GRK2: variants seen among roughly 807,000 people sequenced by gnomAD.
The protein encoded by GRK2 is adrenergic beta receptor kinase 1.
In GRK2, 23 loss-of-function variants were observed where a neutral mutation model predicts 97.8. The ratio of observed to expected loss-of-function variants is 0.24; its 90% confidence interval spans 0.17 to 0.33. GRK2 has a LOEUF of 0.33. GRK2 is among the 10% of genes least tolerant of loss of function. GRK2 has a pLI of 1.00. For missense variants in GRK2, 633 were observed against 956.9 expected, an observed-to-expected ratio of 0.66 and a Z score of 4.47; for synonymous variants, 425 against 381.7, an observed-to-expected ratio of 1.11 and a Z score of -1.32.
At chr11:67,275,703 G>A (rs1860015433) in intron 1 of GRK2, among the ~76,000 whole-genome samples, 1 of 152,212 alleles carries the variant, frequency 6.6e-6, no homozygotes, top group Non-Finnish European at 1.5e-5. Context: ...CTCATCCCTG[G>A]ACATACTGTC....
At chr11:67,280,894 A>C in intron 7 of GRK2, 111 bp downstream of exon 7, 1 of 1,350,098 alleles carries the variant, frequency 7.4e-7, no homozygotes, top group African/African-American at 1.4e-5. Flanking sequence ...TCTGTCCTTT[A>C]GCCCCCAGGG....
At chr11:67,279,160 A>C in intron 2 of GRK2, 40 bp from the exon 3 acceptor site, 4 of 1,533,556 alleles carry the variant, frequency 2.6e-6, no homozygotes, top group Non-Finnish European at 3.6e-6. Flanking sequence ...AAGGCCTCTG[A>C]GAGAGGCGTG....
rs370934447 is a variant in GRK2 at position 67,279,894 on chromosome 11, T to C, written c.497T>C (p.Ile166Thr). 4.6e-5 allele frequency: 75 copies of C among 1,613,688 alleles called. 1 individual carries two copies. The Middle Eastern group carries it at 4.9e-4, about 11-fold the overall frequency. Reference protein sequence around the residue: ...NLRGDVFQKFIESDKFTRFCQ... With the variant: ...NLRGDVFQKFTESDKFTRFCQ... ...CGAGGGGACGTGTTCCAGAAATTCA[T>C]TGAGAGGTGAGAGCAGGGAAGTGTG... The change falls in exon 6 of 21, where the codon ATT becomes ACT. Residue 166 changes from isoleucine (I) to threonine (T), a missense_variant. Ile to Thr is a moderately conservative substitution (Grantham distance 89). This residue lies in a region of GRK2 where 192 missense variants were observed against 362.3 expected (regional missense o/e 0.53). Transcript: ENST00000308595.
chr11:67,279,303 G>A (rs1416388220), intron 3 of GRK2, 30 bp downstream of exon 3: 1 of 1,612,442 alleles, frequency 6.2e-7, no homozygotes, highest in South Asian at 1.1e-5. Flanking sequence ...GCCCTGCTCT[G>A]CCTGGAGAAA....
At chr11:67,280,975 T>C (rs879820535) in intron 7 of GRK2, 118 bp from the exon 8 acceptor site, 3 of 1,114,852 alleles carry the variant, frequency 2.7e-6, no homozygotes, top group Non-Finnish European at 4.0e-6. Context: ...GTGGCAAGGA[T>C]GGCCAGGACA....
At chr11:67,279,379 G>T (rs774270731) in intron 3 of GRK2, 39 bp from the exon 4 acceptor site, 4 of 1,611,436 alleles carry the variant, frequency 2.5e-6, no homozygotes, top group Non-Finnish European at 2.5e-6. Flanking sequence ...CCCATTCCCT[G>T]CTGGGCTCTA....
In GRK2 at chr11:67,283,290, TC is replaced by T. The variant is rs1374917232; in HGVS notation, c.1328+65del. 4 of 1,447,858 alleles carry T rather than the reference TC, an allele frequency of 2.8e-6. No homozygotes were observed. In the African/African-American group the frequency reaches 5.6e-5, roughly 20 times the overall value. 89.7% of individuals were successfully genotyped at this position (1,447,858 alleles called of 1,614,324 possible). On this transcript the variant is annotated intron_variant, in intron 15 of 20. Transcript: ENST00000308595. ...TGCCCCCATGAGGACAAGGGCTGTG[TC>T]CCGTCACCTGGAACCCCCTCCAAGG...
chr11:67,285,207 A>C lies in GRK2; in HGVS notation c.1905+19A>C, dbSNP rs35563026. 1 of 1,612,916 alleles carries C rather than the reference A, an allele frequency of 6.2e-7. No individual in the cohort carries two copies. Among genetic ancestry groups the C allele is most frequent in the East Asian group, 2.2e-5 (1 of 44,870 alleles). Reference sequence around the variant, plus strand: ...GTGCGATGTGAGTGGGGGCTGAGCCAGGGATGGGAGGGCCGAGGGGCCAGG... The same window carrying C: ...GTGCGATGTGAGTGGGGGCTGAGCCCGGGATGGGAGGGCCGAGGGGCCAGG... On this transcript the variant is annotated intron_variant, in intron 20 of 20. Transcript: ENST00000308595.
Position 67,281,958 on chromosome 11 carries a change from C to G in GRK2, c.957+6C>G. On this transcript the variant is annotated splice_donor_region_variant and intron_variant, in intron 11 of 20. Transcript: ENST00000308595. The surrounding 1 kb of genome is among the most constrained non-coding windows in gnomAD (Gnocchi z 5.7). ...TGGTCTACCGGGACCTGAAGGTGAGCGCCCCTGCTGTCCCCAGGCTGGACC... is the reference window on the plus strand; with the variant it reads ...TGGTCTACCGGGACCTGAAGGTGAGGGCCCCTGCTGTCCCCAGGCTGGACC... The G allele has an allele frequency of 5.0e-6, 8 of 1,613,180 alleles. No individual in the cohort carries two copies. The highest frequency in any genetic ancestry group is 6.8e-6 in the Non-Finnish European group (8 of 1,179,952).
At chr11:67,275,540 G>A (rs1381664512) in intron 1 of GRK2, among the ~76,000 whole-genome samples, 1 of 146,104 alleles carries the variant, frequency 6.8e-6, no homozygotes. Context: ...GGCGCCTCCA[G>A]TGGAGTCGGG....
At chr11:67,285,013 C>T (rs375653506) in intron 19 of GRK2, 30 bp downstream of exon 19, 459 of 1,611,966 alleles carry the variant, frequency 2.8e-4, no homozygotes, top group Admixed American at 4.2e-4. Flanking sequence ...GTCCGGGAGC[C>T]GGGCTTCCGG....
intron 1 of GRK2, among the ~76,000 whole-genome samples, chr11:67,274,277 C>G (rs1565063556): frequency 6.6e-6 from 1 of 151,870 alleles, no homozygotes; most frequent in Non-Finnish European, 1.5e-5. Context: ...TCCCAAAGTG[C>G]TGGGATTACA....
At position 67,274,495 on chromosome 11, in the gene GRK2, C is replaced by CTTT. The variant is rs57767154; in HGVS notation, c.114-2752_114-2750dup. 1.6e-3 allele frequency among the ~76,000 whole-genome samples: 36 copies of CTTT among 22,468 alleles called. 1 individual carries two copies. Among genetic ancestry groups the CTTT allele is most frequent in the South Asian group, 3.6e-3 (1 of 280 alleles). The allele number at this position is 22,468 out of a possible 152,430, so 14.7% of individuals were successfully genotyped here. On this transcript the variant is annotated intron_variant, in intron 1 of 20. Transcript: ENST00000308595. ...TCGCTACCTTCCGCTTGACCAGCAC[C>CTTT]TTTTTTTTTTTTTTTTTTTTTTTTT...
chr11:67,268,127 G>A (rs1197599719), intron 1 of GRK2, among the ~76,000 whole-genome samples: 1 of 152,204 alleles, frequency 6.6e-6, no homozygotes, highest in Non-Finnish European at 1.5e-5. Flanking sequence ...CTGGGCCTCG[G>A]TCTTCTCATC....
intron 1 of GRK2, among the ~76,000 whole-genome samples, chr11:67,267,792 C>T (rs1161580176): frequency 3.9e-5 from 6 of 152,134 alleles, no homozygotes; most frequent in Non-Finnish European, 5.9e-5. Context: ...CATGGGGTGG[C>T]GAGGACAGGT....
intron 1 of GRK2, among the ~76,000 whole-genome samples, chr11:67,273,059 G>A (rs1859945026): frequency 1.3e-5 from 2 of 152,232 alleles, no homozygotes; most frequent in South Asian, 4.1e-4. Context: ...TGGCATATTA[G>A]AAGCCCTCCT....
At position 67,285,316 on chromosome 11, in the gene GRK2, G is replaced by A; in HGVS notation, c.1936G>A (p.Glu646Lys). ...CCCTGAGCTGGTGCAGTGGAAGAAG[G>A]AGCTGCGCGACGCCTACCGCGAGGC... Reference protein sequence around the residue: ...SDPELVQWKKELRDAYREAQQ... With the variant: ...SDPELVQWKKKLRDAYREAQQ... The change falls in exon 21 of 21, where the codon GAG becomes AAG. Residue 646 changes from glutamate (E) to lysine (K), a missense_variant. Physicochemically the swap from Glu to Lys is moderately conservative, Grantham distance 56. Coordinates refer to ENST00000308595, the MANE Select transcript of GRK2 (RefSeq NM_001619.5). 1 of 1,609,844 alleles carries A rather than the reference G, an allele frequency of 6.2e-7. No individual in the cohort carries two copies. The highest frequency in any genetic ancestry group is 1.7e-4 in the Middle Eastern group (1 of 6,016).
At chr11:67,275,265 G>A (rs1005945266) in intron 1 of GRK2, among the ~76,000 whole-genome samples, 4 of 152,148 alleles carry the variant, frequency 2.6e-5, no homozygotes, top group East Asian at 3.9e-4. Flanking sequence ...CAGTGGAAGC[G>A]GATAAGAGCC....
At position 67,286,489 on chromosome 11, in the gene GRK2, C is replaced by G; in HGVS notation, c.*1039C>G. 4 of 700,640 alleles carry G rather than the reference C, an allele frequency of 5.7e-6. No individual in the cohort carries two copies. Among genetic ancestry groups the G allele is most frequent in the Non-Finnish European group, 1.0e-5 (4 of 383,444 alleles). The allele number at this position is 700,640 out of a possible 1,614,324, so 43.4% of individuals were successfully genotyped here. ...CTCATTCCCCGGGGCGTTTCTTTGCCGATTTTTGAATGTGATTTTAAAGAG... is the reference window on the plus strand; with the variant it reads ...CTCATTCCCCGGGGCGTTTCTTTGCGGATTTTTGAATGTGATTTTAAAGAG... On this transcript the variant is annotated 3_prime_UTR_variant, in exon 21 of 21. Coordinates refer to ENST00000308595, the MANE Select transcript of GRK2 (RefSeq NM_001619.5).
Sources: gnomAD v4.1 joint callset for allele counts (sites outside exome capture counted in the v4.1 genomes callset) on GRCh38, gnomAD v4.1.1 for gene constraint, gnomAD v4.1.1 regional missense constraint, Gnocchi (gnomAD v3.1) non-coding constraint, MANE v1.5 for transcripts, NCBI Gene and HGNC (gene_info 2026-07-23, HGNC 2026-07-21) for gene names.